PHF20: variants seen among roughly 807,000 people sequenced by gnomAD.
PHF20 encodes glioma-expressed antigen 2.
PHF20 carries 23 observed loss-of-function variants against 113.5 expected under a neutral mutation model. The observed-to-expected ratio is 0.20, with a 90% CI of 0.15 to 0.29. The LOEUF is 0.29. PHF20 is among the 10% of genes least tolerant of loss of function. The probability of loss-of-function intolerance (pLI) is 1.00; values close to 1 mark genes in which losing one functional copy is unlikely to be tolerated. For missense variants in PHF20, 943 were observed against 1,219.6 expected (o/e 0.77, Z 3.38); for synonymous variants, 434 against 457.3 (o/e 0.95, Z 0.65).
At chr20:35,879,717 A>C (rs931936400) in intron 9 of PHF20, among the ~76,000 whole-genome samples, 52 of 151,842 alleles carry the variant, frequency 3.4e-4, no homozygotes, top group African/African-American at 1.1e-3. Flanking sequence ...ATGTCAAAAA[A>C]AAAACAAAAA....
chr20:35,919,336 A>ATTTTTT (rs751803907), intron 13 of PHF20, among the ~76,000 whole-genome samples: 3 of 112,636 alleles, frequency 2.7e-5, no homozygotes, highest in Non-Finnish European at 3.7e-5. Flanking sequence ...TGTTATGGTA[A>ATTTTTT]TTTTTTTTTT....
chr20:35,796,169 C>A (rs569155209), intron 1 of PHF20, among the ~76,000 whole-genome samples: 1 of 151,640 alleles, frequency 6.6e-6, no homozygotes. Context: ...TTTTTTTATG[C>A]GGGTTTTGTT....
At chr20:35,856,147 T>C (rs2042823686) in intron 4 of PHF20, among the ~76,000 whole-genome samples, 1 of 152,080 alleles carries the variant, frequency 6.6e-6, no homozygotes, top group African/African-American at 2.4e-5. Context: ...CCCTCTACTC[T>C]CTATCTCCGT....
intron 10 of PHF20, among the ~76,000 whole-genome samples, chr20:35,906,837 C>T (rs1281430040): frequency 3.3e-5 from 5 of 152,060 alleles, no homozygotes; most frequent in Admixed American, 6.6e-5. Flanking sequence ...CAGCCTTTAC[C>T]ACATGAGCTA....
intron 1 of PHF20, among the ~76,000 whole-genome samples, chr20:35,800,755 G>A (rs1231826259): frequency 6.6e-6 from 1 of 152,166 alleles, no homozygotes. Context: ...GGGTAAAAGA[G>A]TATGACTCTG....
At chr20:35,820,005 A>G (rs953626868) in intron 2 of PHF20, among the ~76,000 whole-genome samples, 1 of 152,212 alleles carries the variant, frequency 6.6e-6, no homozygotes, top group African/African-American at 2.4e-5. Flanking sequence ...GAGGAAATAG[A>G]AGCAGAAAGC....
At position 35,829,018 on chromosome 20, in the gene PHF20, A is replaced by G. The variant is rs188948606; in HGVS notation, c.84-13555A>G. Among the ~76,000 whole-genome samples the G allele has an allele frequency of 9.2e-5, 14 of 152,292 alleles. No individual in the cohort carries two copies. The East Asian group carries it at 2.5e-3, about 27-fold the overall frequency. On this transcript the variant is annotated intron_variant, in intron 2 of 17. Transcript: ENST00000374012. ...GAGGGGGCTTCTGGCCCAGGATCTC[A>G]TAAAGGCTGCATCCAAGGGGGCTCA... is the stretch of plus-strand genomic sequence containing the variant.
At chr20:35,854,274 C>T (rs141717883) in intron 4 of PHF20, among the ~76,000 whole-genome samples, 1 of 152,116 alleles carries the variant, frequency 6.6e-6, no homozygotes, top group African/African-American at 2.4e-5. Context: ...AGTCCTTAAC[C>T]CTCAGAGGGG....
At chr20:35,791,102 C>T (rs2041536644) in intron 1 of PHF20, among the ~76,000 whole-genome samples, 1 of 152,164 alleles carries the variant, frequency 6.6e-6, no homozygotes, top group African/African-American at 2.4e-5. Context: ...TGTGATCCAC[C>T]TGCCTCAGCC....
intron 1 of PHF20, among the ~76,000 whole-genome samples, chr20:35,789,684 C>G (rs1489404849): frequency 7.1e-6 from 1 of 140,008 alleles, no homozygotes; most frequent in Non-Finnish European, 1.6e-5. Flanking sequence ...GTAGCTAGGA[C>G]TACAGGCGTG....
At chr20:35,830,698 A>G (rs2042343586) in intron 2 of PHF20, among the ~76,000 whole-genome samples, 1 of 150,950 alleles carries the variant, frequency 6.6e-6, no homozygotes, top group Non-Finnish European at 1.5e-5. Flanking sequence ...CCATCACTTT[A>G]TTAATTCAGA....
chr20:35,806,432 A>T (rs2041883195), intron 2 of PHF20, among the ~76,000 whole-genome samples: 1 of 152,104 alleles, frequency 6.6e-6, no homozygotes, highest in Non-Finnish European at 1.5e-5. Flanking sequence ...AAGTGCTGGG[A>T]TTACAAGCGT....
intron 2 of PHF20, among the ~76,000 whole-genome samples, chr20:35,837,695 G>T (rs2042466825): frequency 6.6e-6 from 1 of 152,182 alleles, no homozygotes; most frequent in Non-Finnish European, 1.5e-5. Flanking sequence ...CTCCTCAAGG[G>T]CAGGGGCCAG....
intron 4 of PHF20, chr20:35,849,368 C>T (rs2042678673): frequency 4.3e-6 from 2 of 464,492 alleles, no homozygotes; most frequent in Admixed American, 2.4e-5. Flanking sequence ...CTGCAGAGCC[C>T]AGAGCTTGGC....
At chr20:35,819,273 A>G (rs1198243778) in intron 2 of PHF20, among the ~76,000 whole-genome samples, 1 of 151,968 alleles carries the variant, frequency 6.6e-6, no homozygotes, top group East Asian at 1.9e-4. Context: ...GATGAACTAA[A>G]ATCTGAGAGG....
intron 1 of PHF20, among the ~76,000 whole-genome samples, chr20:35,780,637 C>T (rs1380300993): frequency 6.6e-6 from 1 of 150,898 alleles, no homozygotes; most frequent in Non-Finnish European, 1.5e-5. Flanking sequence ...GCCTCCGCCT[C>T]CCGGGTTCAA....
At chr20:35,892,055 G>GT (rs1003951304) in intron 9 of PHF20, among the ~76,000 whole-genome samples, 7 of 131,966 alleles carry the variant, frequency 5.3e-5, no homozygotes, top group African/African-American at 2.0e-4. Flanking sequence ...GTTTTTTTTT[G>GT]TTTTTTTGTT....
intron 1 of PHF20, among the ~76,000 whole-genome samples, chr20:35,783,830 A>G (rs183726176): frequency 3.3e-5 from 5 of 151,756 alleles, no homozygotes; most frequent in Non-Finnish European, 7.4e-5. Flanking sequence ...AAAAATACAA[A>G]AAATTAGCCG....
intron 6 of PHF20, among the ~76,000 whole-genome samples, chr20:35,864,867 C>G (rs1287029297): frequency 6.6e-6 from 1 of 152,004 alleles, no homozygotes; most frequent in East Asian, 1.9e-4. Flanking sequence ...ATTTCAAATA[C>G]TTAGTTCAAA....
Sources: allele counts gnomAD v4.1 joint callset (sites outside exome capture counted in the v4.1 genomes callset), GRCh38; gene constraint gnomAD v4.1.1; transcripts MANE v1.5; gene names NCBI Gene and HGNC (gene_info 2026-07-23, HGNC 2026-07-21).